The following FRYL variants were observed in gnomAD, a reference collection of about 807,000 sequenced individuals.
FRYL encodes protein furry homolog-like.
Under a neutral mutation model 351.2 loss-of-function variants are expected in FRYL, and 150 were observed. The observed-to-expected ratio is 0.43, with a 90% CI of 0.37 to 0.49. The LOEUF (loss-of-function observed/expected upper bound fraction) is 0.49, where lower values mean the gene tolerates loss of function less well. FRYL is among the 20% of genes least tolerant of loss of function. The probability of loss-of-function intolerance (pLI) is 0.00; values close to 1 mark genes in which losing one functional copy is unlikely to be tolerated. For synonymous variants in FRYL, 1,153 were observed against 1,257.1 expected, an observed-to-expected ratio of 0.92 and a Z score of 1.75; for missense variants, 3,036 against 3,619.3, an observed-to-expected ratio of 0.84 and a Z score of 4.13.
At chr4:48,748,429 C>A (rs1772902479) in intron 1 of FRYL, among the ~76,000 whole-genome samples, 1 of 152,078 alleles carries the variant, frequency 6.6e-6, no homozygotes, top group Non-Finnish European at 1.5e-5. Flanking sequence ...TTTGGCCAAG[C>A]AAAGATAAAA....
rs753900786 is a variant in FRYL at position 48,561,511 on chromosome 4, T to C, written c.3822A>G (p.Glu1274=). The C allele has an allele frequency of 1.2e-6, 2 of 1,611,124 alleles. No individual in the cohort carries two copies. Among genetic ancestry groups the C allele is most frequent in the Admixed American group, 1.7e-5 (1 of 59,982 alleles). Residue 1274 remains glutamate, a synonymous_variant, in exon 33 of 64, where the codon GAA becomes GAG. Transcript: ENST00000358350. ...YSVSYYQLSE[E]LARAYPELTL... ...TTAGCTCAGGATACGCCCTTGCTAG[T>C]TCCTCGGACAACTGATAATATGAAA...
In FRYL at chr4:48,623,198, A is replaced by C; in HGVS notation, c.121-19T>G. On this transcript the variant is annotated intron_variant, in intron 4 of 63. Coordinates refer to ENST00000358350, the MANE Select transcript of FRYL (RefSeq NM_015030.2). Reference sequence around the variant, plus strand: ...GCTTCTCCTATGATTAAAAAAAACAAACATTAAAAATAAAAATAAAGCACA... The same window carrying C: ...GCTTCTCCTATGATTAAAAAAAACACACATTAAAAATAAAAATAAAGCACA... The C allele has an allele frequency of 1.6e-6, 2 of 1,269,556 alleles. No individual in the cohort carries two copies. The highest frequency in any genetic ancestry group is 1.4e-5 in the South Asian group (1 of 71,752). The allele number at this position is 1,269,556 out of a possible 1,614,324, so 78.6% of individuals were successfully genotyped here.
intron 54 of FRYL, 28 bp from the exon 55 acceptor site, chr4:48,521,243 A>C: frequency 6.5e-7 from 1 of 1,538,222 alleles, no homozygotes; most frequent in Non-Finnish European, 8.9e-7. Flanking sequence ...AAAATAAGGA[A>C]TTCATTTATG....
At chr4:48,564,281 G>A (rs535272951) in intron 30 of FRYL, among the ~76,000 whole-genome samples, 179 bp from the exon 31 acceptor site, 1 of 152,274 alleles carries the variant, frequency 6.6e-6, no homozygotes, top group South Asian at 2.1e-4. Context: ...CCACACAGAT[G>A]AACTGAATTT....
chr4:48,739,077 G>C (rs989491581), intron 1 of FRYL, among the ~76,000 whole-genome samples: 7 of 152,050 alleles, frequency 4.6e-5, no homozygotes, highest in Admixed American at 1.3e-4. Context: ...CAATGAAACA[G>C]AACAGAGAGC....
chr4:48,534,406 A>G (rs1250082323), intron 49 of FRYL, 139 bp downstream of exon 49: 42 of 667,694 alleles, frequency 6.3e-5, no homozygotes, highest in Non-Finnish European at 9.7e-5. Flanking sequence ...AACATTTTCC[A>G]TACTGCAAAT....
chr4:48,507,735 A>C (rs1467681920), intron 59 of FRYL, among the ~76,000 whole-genome samples: 3 of 152,312 alleles, frequency 2.0e-5, no homozygotes, highest in South Asian at 2.1e-4. Flanking sequence ...ATAGATAGAT[A>C]GATCGTGAGA....
intron 62 of FRYL, among the ~76,000 whole-genome samples, chr4:48,501,363 G>T (rs1719611417): frequency 6.6e-6 from 1 of 152,004 alleles, no homozygotes; most frequent in South Asian, 2.1e-4. Flanking sequence ...GCTTTTACTT[G>T]ACTTTTGATT....
At chr4:48,608,083 T>A (rs1747244987) in intron 9 of FRYL, among the ~76,000 whole-genome samples, 1 of 152,164 alleles carries the variant, frequency 6.6e-6, no homozygotes. Context: ...ACTCAAACCA[T>A]AAGGTATTAA....
chr4:48,594,613 C>T (rs1176278499), intron 15 of FRYL, among the ~76,000 whole-genome samples: 1 of 152,174 alleles, frequency 6.6e-6, no homozygotes, highest in Non-Finnish European at 1.5e-5. Context: ...TTATACTTAT[C>T]GAATTACCAT....
rs1285528384 is a variant in FRYL, at chr4:48,714,043, G to C, written c.-383-3345C>G. ...ACTACTGGGTACATAACAAAATGAA[G>C]GCAGAAATAAAGATGTTCTTTGAAA... On this transcript the variant is annotated intron_variant, in intron 1 of 63. Coordinates refer to ENST00000358350, the MANE Select transcript of FRYL (RefSeq NM_015030.2). Among the ~76,000 whole-genome samples the C allele has an allele frequency of 5.9e-5, 9 of 151,696 alleles. 1 individual carries two copies. The highest frequency in any genetic ancestry group is 5.9e-4 in the Admixed American group (9 of 15,216).
At chr4:48,598,244 G>T (rs1387065341) in intron 13 of FRYL, among the ~76,000 whole-genome samples, 4 of 152,042 alleles carry the variant, frequency 2.6e-5, no homozygotes, top group African/African-American at 9.7e-5. Flanking sequence ...AAATCAATAG[G>T]ATAAACTTTT....
At chr4:48,754,887 C>T (rs1344889987) in intron 1 of FRYL, among the ~76,000 whole-genome samples, 2 of 152,114 alleles carry the variant, frequency 1.3e-5, no homozygotes, top group Non-Finnish European at 2.9e-5. Flanking sequence ...GGTGATCCAC[C>T]CGCCTTGGCC....
intron 1 of FRYL, among the ~76,000 whole-genome samples, chr4:48,743,992 C>T (rs1362874368): frequency 6.6e-6 from 1 of 152,224 alleles, no homozygotes; most frequent in Non-Finnish European, 1.5e-5. Context: ...GTGCACTGCA[C>T]ACATACACAT....
intron 50 of FRYL, 50 bp downstream of exon 50, chr4:48,531,106 C>T: frequency 8.6e-7 from 1 of 1,162,660 alleles, no homozygotes; most frequent in Non-Finnish European, 1.3e-6. Context: ...AATAAATAAA[C>T]AAATGAAAAT....
intron 20 of FRYL, among the ~76,000 whole-genome samples, chr4:48,581,909 C>T (rs1740997989): frequency 6.6e-6 from 1 of 152,174 alleles, no homozygotes; most frequent in Non-Finnish European, 1.5e-5. Context: ...TGTAGTGTAT[C>T]TTTCACACTC....
At chr4:48,646,032 A>C (rs2149411336) in intron 3 of FRYL, 1 of 152,278 alleles carries the variant, frequency 6.6e-6, no homozygotes, top group Non-Finnish European at 1.5e-5. Context: ...AATAAAATTT[A>C]CTCATTCAGA....
chr4:48,713,236 C>A (rs1186970165), intron 1 of FRYL, among the ~76,000 whole-genome samples: 1 of 151,712 alleles, frequency 6.6e-6, no homozygotes, highest in African/African-American at 2.4e-5. Context: ...ACACTATTAA[C>A]TTTATTTGTT....
intron 3 of FRYL, chr4:48,636,830 A>T: frequency 6.6e-6 from 1 of 152,136 alleles, no homozygotes; most frequent in South Asian, 2.1e-4. Flanking sequence ...AGTAACAATG[A>T]ACAGATCTAC....
Sources: gnomAD v4.1 joint callset for allele counts (sites outside exome capture counted in the v4.1 genomes callset) on GRCh38, gnomAD v4.1.1 for gene constraint, MANE v1.5 for transcripts, NCBI Gene and HGNC (gene_info 2026-07-23, HGNC 2026-07-21) for gene names.